The following GSE1 variants were observed in gnomAD, a reference collection of about 807,000 sequenced individuals.
The protein encoded by GSE1 is genetic suppressor element 1.
GSE1 carries 32 observed loss-of-function variants against 112.6 expected under a neutral mutation model. The observed-to-expected ratio is 0.28, with a 90% CI of 0.21 to 0.38. The LOEUF (loss-of-function observed/expected upper bound fraction) is 0.38, where lower values mean the gene tolerates loss of function less well. Ranked by LOEUF, GSE1 falls within the 10% of genes least tolerant of loss-of-function variation. The pLI is 1.00. For synonymous variants in GSE1, 1,115 were observed against 735.6 expected (o/e 1.52, Z -8.35); for missense variants, 2,348 against 1,699.2 (o/e 1.38, Z -6.71).
chr16:85,531,757 G>T (rs1052944282), intron 2 of GSE1, among the ~76,000 whole-genome samples: 2 of 152,194 alleles, frequency 1.3e-5, no homozygotes, highest in African/African-American at 4.8e-5. Flanking sequence ...GGACCGGATG[G>T]CCCCGGGTCC....
chr16:85,363,003 T>A (rs1200677008), intron 2 of GSE1, among the ~76,000 whole-genome samples: 1 of 152,012 alleles, frequency 6.6e-6, no homozygotes, highest in African/African-American at 2.4e-5. Context: ...GCCCAGCTAA[T>A]TTTTTTGTAT....
At chr16:85,640,109 G>GA (rs886941091) in intron 2 of GSE1, among the ~76,000 whole-genome samples, 3 of 152,202 alleles carry the variant, frequency 2.0e-5, no homozygotes, top group African/African-American at 7.2e-5. Context: ...CCTGGCTGGC[G>GA]AGGAAGCCCC....
At chr16:85,383,956 C>G (rs577706114) in intron 2 of GSE1, among the ~76,000 whole-genome samples, 4 of 152,342 alleles carry the variant, frequency 2.6e-5, no homozygotes, top group African/African-American at 9.6e-5. Flanking sequence ...GCCATCCTCA[C>G]AGGGGCTTGG....
chr16:85,462,799 G>C (rs2050008015), intron 2 of GSE1, among the ~76,000 whole-genome samples: 1 of 139,700 alleles, frequency 7.2e-6, no homozygotes, highest in African/African-American at 2.6e-5. Flanking sequence ...GGTGCGTGAA[G>C]CCGGGGGCGC....
At chr16:85,220,148 C>T (rs2075366926) in intron 1 of GSE1, among the ~76,000 whole-genome samples, 1 of 152,208 alleles carries the variant, frequency 6.6e-6, no homozygotes, top group South Asian at 2.1e-4. Context: ...CGGGGAAATC[C>T]CAAAACATTT....
intron 1 of GSE1, among the ~76,000 whole-genome samples, chr16:85,241,976 G>C (rs183835019): frequency 1.3e-5 from 2 of 152,200 alleles, no homozygotes; most frequent in African/African-American, 4.8e-5. Context: ...CCCAGTTGCT[G>C]TCTGCACCTG....
chr16:85,637,541 G>A (rs2050104442), intron 2 of GSE1, among the ~76,000 whole-genome samples: 1 of 151,688 alleles, frequency 6.6e-6, no homozygotes, highest in African/African-American at 2.4e-5. Flanking sequence ...GTCCCCCCTT[G>A]ATCGCGGCAG....
rs572990496 is a variant in GSE1, at chr16:85,337,564, C to G, written c.2284-19899C>G. ...TCGTGATCCGCCCGCCTCGGCCTCC[C>G]AAAGTGCTGGGATTACAGGCGTGAG... On this transcript the variant is annotated intron_variant, in intron 1 of 2. Coordinates refer to the GSE1 transcript ENST00000637419. Among the ~76,000 whole-genome samples, 5 of 152,292 alleles carry G rather than the reference C, an allele frequency of 3.3e-5. No homozygotes were observed. The South Asian group carries it at 1.0e-3, about 32-fold the overall frequency.
intron 2 of GSE1, among the ~76,000 whole-genome samples, chr16:85,375,079 G>A (rs972697707): frequency 2.0e-5 from 3 of 152,218 alleles, no homozygotes; most frequent in African/African-American, 7.2e-5. Flanking sequence ...ACTGCTGCCG[G>A]CCATCAAGGG....
rs142451757 is a variant in GSE1, at chr16:85,623,108, C to T, written c.7+9710C>T. Among the ~76,000 whole-genome samples, 568 of 152,246 alleles carry T rather than the reference C, an allele frequency of 3.7e-3. 4 individuals carry two copies. Among genetic ancestry groups the T allele is most frequent in the African/African-American group, 0.013 (523 of 41,542 alleles). Reference sequence around the variant, plus strand: ...GGGCACCTTCTCGTTGACTTGAAGCCTCCTATTTTAAGACATTGCCCATTG... The same window carrying T: ...GGGCACCTTCTCGTTGACTTGAAGCTTCCTATTTTAAGACATTGCCCATTG... On this transcript the variant is annotated intron_variant, in intron 1 of 15. Coordinates refer to ENST00000253458, the MANE Select transcript of GSE1 (RefSeq NM_014615.5).
At chr16:85,589,776 AATGT>A (rs913808026) in intron 1 of GSE1, among the ~76,000 whole-genome samples, 40 of 151,990 alleles carry the variant, frequency 2.6e-4, no homozygotes, top group Middle Eastern at 3.4e-3. Context: ...TGACATTGTG[AATGT>A]ATGTGTGAAT....
At chr16:85,611,128 G>A (rs1183573615), upstream of GSE1, among the ~76,000 whole-genome samples, 2 of 152,238 alleles carry the variant, frequency 1.3e-5, no homozygotes, top group African/African-American at 2.4e-5. Flanking sequence ...GGTGCGAGAG[G>A]TTCATTTGCA....
intron 2 of GSE1, among the ~76,000 whole-genome samples, chr16:85,401,397 G>C (rs189115900): frequency 1.5e-3 from 227 of 152,298 alleles, no homozygotes; most frequent in African/African-American, 5.0e-3. Flanking sequence ...GGGGCAGAAA[G>C]AGAAAGATGC....
rs762979539 is a variant in GSE1 at position 85,668,363 on chromosome 16, C to T, written c.3354C>T (p.Val1118=). Residue 1118 remains valine (V), a synonymous_variant, in exon 14 of 16, where the codon GTC becomes GTT. Coordinates refer to ENST00000253458, the MANE Select transcript of GSE1 (RefSeq NM_014615.5). ...DDEDGEDEEE[V]PKRKWQGIEA... is the part of the protein sequence containing the mutation. ...AAGATGGAGAAGATGAGGAGGAAGT[C>T]CCCAAGCGCAAGTGGCAAGGGATCG... is the stretch of plus-strand genomic sequence containing the variant. The T allele has an allele frequency of 5.6e-6, 9 of 1,613,158 alleles. No homozygotes were observed. The highest frequency in any genetic ancestry group is 7.6e-6 in the Non-Finnish European group (9 of 1,179,656).
rs191917949 is a variant in GSE1, at chr16:85,456,914, G to A, written c.2464+99271G>A. Among the ~76,000 whole-genome samples the A allele has an allele frequency of 4.5e-3, 680 of 152,246 alleles. 1 individual carries two copies. Among genetic ancestry groups the A allele is most frequent in the Middle Eastern group, 0.014 (4 of 294 alleles). ...GTTTTCAAAGAAGATGCCATTCACA[G>A]CACAGCCCAGGACAAAACGGGCCTT... On this transcript the variant is annotated intron_variant, in intron 2 of 2. Transcript: ENST00000637419.
chr16:85,171,768 A>G, exon 1 of GSE1: 1 of 985,458 alleles, frequency 1.0e-6, no homozygotes, highest in Non-Finnish European at 1.2e-6. Flanking sequence ...CCCGCCAAGG[A>G]CCCATGAGCT....
At chr16:85,238,987 G>T (rs1904948950) in intron 1 of GSE1, among the ~76,000 whole-genome samples, 1 of 152,110 alleles carries the variant, frequency 6.6e-6, no homozygotes, top group Admixed American at 6.5e-5. Flanking sequence ...GAGTGCAGTG[G>T]TGCGATCTCG....
intron 2 of GSE1, among the ~76,000 whole-genome samples, chr16:85,414,191 G>C (rs886187295): frequency 9.8e-5 from 15 of 152,354 alleles, no homozygotes; most frequent in Admixed American, 2.0e-4. Flanking sequence ...GGGATGAGGA[G>C]TCAAGCTAGA....
rs545385895 is a variant in GSE1, at chr16:85,518,053, C to T, written c.2465-115861C>T. Among the ~76,000 whole-genome samples the T allele has an allele frequency of 9.6e-4, 147 of 152,334 alleles. 1 individual carries two copies. Among genetic ancestry groups the T allele is most frequent in the African/African-American group, 3.3e-3 (138 of 41,592 alleles). On this transcript the variant is annotated intron_variant, in intron 2 of 2. Transcript: ENST00000637419. ...GGCACCAGGGACACGGCTCCTGGCC[C>T]GAGATGCCCTGACAGGCGCGTCGGC...
Sources: allele counts gnomAD v4.1 joint callset (sites outside exome capture counted in the v4.1 genomes callset), GRCh38; gene constraint gnomAD v4.1.1; transcripts MANE v1.5; gene names NCBI Gene and HGNC (gene_info 2026-07-23, HGNC 2026-07-21).